Variants in NAV3 observed in about 807,000 individuals in gnomAD.
NAV3 encodes the protein pore membrane and/or filament interacting like protein 1.
A neutral mutation model predicts 244.7 loss-of-function variants in NAV3; 87 were observed. That is an observed-to-expected ratio of 0.36 (90% CI 0.30 to 0.42). The LOEUF is 0.42. Ranked by LOEUF, NAV3 falls within the 20% of genes least tolerant of loss-of-function variation. The probability of loss-of-function intolerance (pLI) is 1.00; values close to 1 mark genes in which losing one functional copy is unlikely to be tolerated. For synonymous variants in NAV3, 1,126 were observed against 1,042.2 expected (o/e 1.08, Z -1.55); for missense variants, 2,663 against 2,893.3 (o/e 0.92, Z 1.83).
intron 9 of NAV3, among the ~76,000 whole-genome samples, chr12:78,030,149 A>G (rs550946395): frequency 1.3e-5 from 2 of 152,304 alleles, no homozygotes; most frequent in South Asian, 4.1e-4. Context: ...AACATGCAAA[A>G]CACTTCTGGT....
chr12:77,982,223 A>ATAGAC (rs1397018071), intron 5 of NAV3, among the ~76,000 whole-genome samples: 1 of 64,120 alleles, frequency 1.6e-5, no homozygotes, highest in African/African-American at 3.9e-5. Context: ...GGCTTAATGA[A>ATAGAC]AGATGATTTG....
At chr12:78,179,934 T>C (rs1958428470) in intron 29 of NAV3, among the ~76,000 whole-genome samples, 1 of 152,132 alleles carries the variant, frequency 6.6e-6, no homozygotes, top group Admixed American at 6.6e-5. Context: ...GTAATTGGAT[T>C]CAGGTTGAGA....
chr12:77,970,484 C>G (rs527512424), intron 5 of NAV3, among the ~76,000 whole-genome samples: 2 of 152,104 alleles, frequency 1.3e-5, no homozygotes, highest in South Asian at 4.2e-4. Context: ...AAATTTGGTT[C>G]CCTTTGGAAG....
chr12:78,182,862 G>A (rs1424972245), intron 30 of NAV3, among the ~76,000 whole-genome samples: 2 of 151,852 alleles, frequency 1.3e-5, no homozygotes, highest in African/African-American at 2.4e-5. Context: ...TCACTCTTGT[G>A]GAGTGGGTTC....
intron 3 of NAV3, among the ~76,000 whole-genome samples, chr12:77,961,072 T>A (rs1255945236): frequency 6.8e-6 from 1 of 146,306 alleles, no homozygotes; most frequent in East Asian, 2.1e-4. Context: ...TATACGCATA[T>A]ATGTATATAT....
At chr12:77,767,437 G>C (rs1034823312) in intron 2 of NAV3, among the ~76,000 whole-genome samples, 2 of 152,118 alleles carry the variant, frequency 1.3e-5, no homozygotes, top group African/African-American at 4.8e-5. Flanking sequence ...TCTGCACTTG[G>C]CCTGGTAGTC....
At chr12:78,044,156 C>T (rs1881356898) in intron 9 of NAV3, among the ~76,000 whole-genome samples, 1 of 152,160 alleles carries the variant, frequency 6.6e-6, no homozygotes. Context: ...TGTGGCTAGC[C>T]AGTTTTCCCA....
chr12:78,087,442 A>T (rs1953696279), intron 12 of NAV3, among the ~76,000 whole-genome samples: 1 of 152,052 alleles, frequency 6.6e-6, no homozygotes, highest in South Asian at 2.1e-4. Context: ...ACCCCAAAGC[A>T]TCTAGATGTT....
At chr12:78,070,642 G>A (rs1222869514) in intron 12 of NAV3, among the ~76,000 whole-genome samples, 3 of 151,068 alleles carry the variant, frequency 2.0e-5, no homozygotes, top group African/African-American at 4.9e-5. Context: ...ATGCTGGTGC[G>A]CTGCACCCAC....
At position 77,824,241 on chromosome 12, in the gene NAV3, A is replaced by ATTTT. The variant is rs61710960; in HGVS notation, c.73-116058_73-116055dup. ...GGCGCATGCCACCACGCCCAACTAA[A>ATTTT]TTTTTTTTTTTTTTTTTTTTTTTGT... On this transcript the variant is annotated intron_variant, in intron 2 of 8. Coordinates refer to the NAV3 transcript ENST00000550042. 7.0e-4 allele frequency among the ~76,000 whole-genome samples: 73 copies of ATTTT among 104,914 alleles called. 3 individuals are homozygous for ATTTT. The highest frequency in any genetic ancestry group is 2.5e-3 in the African/African-American group (66 of 26,168). 68.8% of individuals were successfully genotyped at this position (104,914 alleles called of 152,430 possible).
intron 2 of NAV3, among the ~76,000 whole-genome samples, chr12:77,702,444 A>G (rs1875603832): frequency 6.6e-6 from 1 of 151,898 alleles, no homozygotes; most frequent in South Asian, 2.1e-4. Flanking sequence ...AAATATTTAC[A>G]TTGTATTTAT....
At position 77,766,691 on chromosome 12, in the gene NAV3, G is replaced by A. The variant is rs537538926; in HGVS notation, c.73-173628G>A. 3.5e-5 allele frequency among the ~76,000 whole-genome samples: 5 copies of A among 141,606 alleles called. No homozygotes were observed. The South Asian group carries it at 9.2e-4, about 26-fold the overall frequency. The allele number at this position is 141,606 out of a possible 152,430, so 92.9% of individuals were successfully genotyped here. On this transcript the variant is annotated intron_variant, in intron 2 of 8. Coordinates refer to the NAV3 transcript ENST00000550042. ...CTTGACCAAATCATATCTAGGGTTT[G>A]GTCCAACTTAAAAATTCTAGGATTC...
chr12:78,049,919 A>G (rs976850755), intron 9 of NAV3, 74 bp from the exon 10 acceptor site: 1 of 922,876 alleles, frequency 1.1e-6, no homozygotes, highest in East Asian at 2.6e-5. Context: ...GAGGTGACTT[A>G]ATTATCTAGG....
chr12:77,985,007 A>G (rs541185671), intron 5 of NAV3, among the ~76,000 whole-genome samples: 48 of 152,178 alleles, frequency 3.2e-4, no homozygotes, highest in African/African-American at 1.1e-3. Context: ...TAGTACAGAC[A>G]GGGTTTCAAC....
At chr12:77,713,310 A>G (rs1198264508) in intron 2 of NAV3, among the ~76,000 whole-genome samples, 1 of 152,232 alleles carries the variant, frequency 6.6e-6, no homozygotes, top group Non-Finnish European at 1.5e-5. Context: ...TTCAGTGGCT[A>G]AAGTATGGTG....
At chr12:77,625,150 TAA>T (rs1275270832) in intron 2 of NAV3, among the ~76,000 whole-genome samples, 1 of 152,176 alleles carries the variant, frequency 6.6e-6, no homozygotes, top group Non-Finnish European at 1.5e-5. Flanking sequence ...AGTAATTACT[TAA>T]GTCTTCAATA....
intron 5 of NAV3, among the ~76,000 whole-genome samples, chr12:77,976,666 CTTTTTTTCTTTTT>C (rs1458909075): frequency 3.4e-5 from 2 of 58,062 alleles, no homozygotes; most frequent in African/African-American, 1.3e-4. Flanking sequence ...TTCTTTCTTT[CTTTTTTTCTTTTT>C]TTTTTTTTTT....
At chr12:77,642,137 A>T (rs147153620) in intron 2 of NAV3, among the ~76,000 whole-genome samples, 1 of 152,206 alleles carries the variant, frequency 6.6e-6, no homozygotes, top group East Asian at 1.9e-4. Flanking sequence ...AAGATTGGTC[A>T]ACAGTACCTG....
In NAV3 at chr12:77,839,952, CAT is replaced by C. The variant is rs1162523046; in HGVS notation, c.243+8249_243+8250del. Among the ~76,000 whole-genome samples, 5 of 152,102 alleles carry C rather than the reference CAT, an allele frequency of 3.3e-5. No homozygotes were observed. In the East Asian group the frequency reaches 9.7e-4, roughly 29 times the overall value. On this transcript the variant is annotated intron_variant, in intron 1 of 39. Coordinates refer to ENST00000397909, the MANE Select transcript of NAV3 (RefSeq NM_001024383.2). ...GCCAGGCGTGGTGGCAAGTGCTTGC[CAT>C]CTCAGCTACTCAGGAGGCTGAGGTA... is the stretch of plus-strand genomic sequence containing the variant.
Sources: allele counts gnomAD v4.1 joint callset (sites outside exome capture counted in the v4.1 genomes callset), GRCh38; gene constraint gnomAD v4.1.1; transcripts MANE v1.5; gene names NCBI Gene and HGNC (gene_info 2026-07-23, HGNC 2026-07-21).